Variants in SPOCK3 observed in about 807,000 individuals in gnomAD.
SPOCK3 encodes testican-3.
A neutral mutation model predicts 56.6 loss-of-function variants in SPOCK3; 30 were observed. The observed-to-expected ratio is 0.53, with a 90% CI of 0.40 to 0.72. SPOCK3 has a LOEUF of 0.72. SPOCK3 is among the 30% of genes least tolerant of loss of function. SPOCK3 has a pLI of 0.00. For synonymous variants in SPOCK3, 196 were observed against 183.3 expected (o/e 1.07, Z -0.56); for missense variants, 527 against 530.0 (o/e 0.99, Z 0.06).
intron 4 of SPOCK3, among the ~76,000 whole-genome samples, chr4:166,963,051 C>T (rs1327215518): frequency 3.3e-5 from 5 of 152,032 alleles, no homozygotes; most frequent in African/African-American, 1.2e-4. Context: ...TTTGCCTTCT[C>T]TTTGCTGCAG....
intron 2 of SPOCK3, among the ~76,000 whole-genome samples, chr4:167,129,607 C>G (rs1762548646): frequency 6.6e-6 from 1 of 151,602 alleles, no homozygotes; most frequent in Non-Finnish European, 1.5e-5. Flanking sequence ...ATTTCCTTGT[C>G]ACTCCAAATA....
Position 166,908,195 on chromosome 4 carries a change from T to A in SPOCK3, c.474+4425A>T, listed in dbSNP as rs935224742. Among the ~76,000 whole-genome samples the A allele has an allele frequency of 4.6e-5, 7 of 151,752 alleles. No homozygotes were observed. In the Admixed American group the frequency reaches 4.6e-4, roughly 10 times the overall value. On this transcript the variant is annotated intron_variant, in intron 5 of 10. Transcript: ENST00000357545. ...GAAAGGTTAAAACATTATAGTAGCA[T>A]GTTGAAACTTAAAATAGAAAGTTTT... is the stretch of plus-strand genomic sequence containing the variant.
chr4:167,144,945 T>G (rs1257030288), intron 2 of SPOCK3, among the ~76,000 whole-genome samples: 1 of 151,642 alleles, frequency 6.6e-6, no homozygotes, highest in African/African-American at 2.4e-5. Flanking sequence ...ATCTCAAAAT[T>G]AATAGTGTTG....
At chr4:167,103,668 T>C (rs1262066361) in intron 2 of SPOCK3, among the ~76,000 whole-genome samples, 1 of 152,212 alleles carries the variant, frequency 6.6e-6, no homozygotes, top group East Asian at 1.9e-4. Context: ...GGAAACTCAC[T>C]GCTCTGAAGG....
At chr4:166,958,703 A>G (rs28436944) in intron 4 of SPOCK3, among the ~76,000 whole-genome samples, 7,847 of 152,296 alleles carry the variant, frequency 0.052, 655 homozygotes, top group African/African-American at 0.18. Flanking sequence ...GGTGATTATG[A>G]AAGTCCAAAT....
chr4:166,752,567 TATATATACACACACACACAC>T (rs367611726), intron 8 of SPOCK3, among the ~76,000 whole-genome samples: 31,681 of 111,242 alleles, frequency 0.28, 3,892 homozygotes, highest in African/African-American at 0.37. Flanking sequence ...TATATATATA[TATATATACACACACACACAC>T]ACACACACAC....
intron 8 of SPOCK3, among the ~76,000 whole-genome samples, chr4:166,742,766 C>G (rs987573126): frequency 6.6e-6 from 1 of 151,982 alleles, no homozygotes; most frequent in Non-Finnish European, 1.5e-5. Context: ...TAGTCTTTGC[C>G]TATTTTCAAA....
At chr4:167,147,958 T>C (rs1419283231) in intron 2 of SPOCK3, among the ~76,000 whole-genome samples, 1 of 149,652 alleles carries the variant, frequency 6.7e-6, no homozygotes, top group African/African-American at 2.4e-5. Context: ...TAAAGTATAA[T>C]AAAAAGAAAG....
intron 3 of SPOCK3, among the ~76,000 whole-genome samples, chr4:167,039,144 C>T (rs964324756): frequency 1.3e-5 from 2 of 152,148 alleles, no homozygotes; most frequent in African/African-American, 2.4e-5. Context: ...GTGTTCCTTG[C>T]TTCCCTCAGT....
intron 4 of SPOCK3, among the ~76,000 whole-genome samples, chr4:166,937,423 TATG>T (rs999106162): frequency 1.3e-4 from 20 of 149,316 alleles, no homozygotes; most frequent in African/African-American, 4.9e-4. Context: ...AATTATAATT[TATG>T]ATTATTAAAA....
chr4:167,117,109 G>C, intron 2 of SPOCK3, among the ~76,000 whole-genome samples: 1 of 150,952 alleles, frequency 6.6e-6, no homozygotes, highest in Admixed American at 6.6e-5. Context: ...AAATGATGAA[G>C]GTTTGAGATG....
At chr4:167,131,087 A>T (rs1460671006) in intron 2 of SPOCK3, among the ~76,000 whole-genome samples, 1 of 152,116 alleles carries the variant, frequency 6.6e-6, no homozygotes, top group African/African-American at 2.4e-5. Context: ...CAAGGTTTTT[A>T]AAAATATTAC....
chr4:166,850,332 T>A (rs940424953), intron 6 of SPOCK3, among the ~76,000 whole-genome samples: 3 of 152,202 alleles, frequency 2.0e-5, no homozygotes, highest in African/African-American at 7.2e-5. Flanking sequence ...TGCTATGTTT[T>A]AATAAAAAAA....
At chr4:166,971,846 A>C (rs958908879) in intron 4 of SPOCK3, among the ~76,000 whole-genome samples, 1 of 152,146 alleles carries the variant, frequency 6.6e-6, no homozygotes, top group Non-Finnish European at 1.5e-5. Flanking sequence ...ACTCTCTGTC[A>C]GATTACTACT....
chr4:166,882,020 G>T (rs1291915807), intron 6 of SPOCK3, among the ~76,000 whole-genome samples: 3 of 152,056 alleles, frequency 2.0e-5, no homozygotes, highest in Non-Finnish European at 4.4e-5. Flanking sequence ...GTGGAAAGGG[G>T]GATGACAGCC....
chr4:167,092,369 C>A (rs182690675), intron 2 of SPOCK3, among the ~76,000 whole-genome samples: 5 of 152,128 alleles, frequency 3.3e-5, no homozygotes, highest in Admixed American at 6.5e-5. Context: ...CCTTCTGTAA[C>A]GAAGGGTCCC....
chr4:166,953,570 C>T (rs983965272), intron 4 of SPOCK3, among the ~76,000 whole-genome samples: 3 of 152,046 alleles, frequency 2.0e-5, no homozygotes, highest in Non-Finnish European at 4.4e-5. Context: ...TTTGACCCAG[C>T]CATCCCATTA....
At chr4:167,222,490 T>C (rs1331214067) in intron 2 of SPOCK3, among the ~76,000 whole-genome samples, 4 of 111,288 alleles carry the variant, frequency 3.6e-5, no homozygotes, top group Non-Finnish European at 5.4e-5. Context: ...ACATATATAT[T>C]ACATATGAAT....
intron 2 of SPOCK3, among the ~76,000 whole-genome samples, chr4:167,084,256 G>A (rs1757986035): frequency 6.6e-6 from 1 of 151,988 alleles, no homozygotes; most frequent in South Asian, 2.1e-4. Context: ...TGAATATGCT[G>A]GAAATCATAA....
Sources: gnomAD v4.1 joint callset for allele counts (sites outside exome capture counted in the v4.1 genomes callset) on GRCh38, gnomAD v4.1.1 for gene constraint, MANE v1.5 for transcripts, NCBI Gene and HGNC (gene_info 2026-07-23, HGNC 2026-07-21) for gene names.